ZNF875: variants seen among roughly 807,000 people sequenced by gnomAD.
The protein encoded by ZNF875 is HKR1, GLI-Kruppel zinc finger family member.
Under a neutral mutation model 11.2 loss-of-function variants are expected in ZNF875, and 14 were observed. That is an observed-to-expected ratio of 1.26 (90% CI 0.83 to 1.96). ZNF875 has a LOEUF of 1.96. ZNF875 is among the 30% of genes most tolerant of loss of function. ZNF875 has a pLI of 0.00. For synonymous variants in ZNF875, 301 were observed against 281.1 expected (o/e 1.07, Z -0.71); for missense variants, 752 against 760.4 (o/e 0.99, Z 0.13).
chr19:37,333,808 A>G (rs979410275), upstream of ZNF875, among the ~76,000 whole-genome samples: 3 of 152,162 alleles, frequency 2.0e-5, no homozygotes, highest in African/African-American at 7.2e-5. Context: ...TAATCAAGAT[A>G]AACAATATTT....
rs144551650 is a variant in ZNF875, at chr19:37,335,406, A to G, written c.33+149A>G. On this transcript the variant is annotated intron_variant, in intron 2 of 4. Transcript: ENST00000392153. Reference sequence around the variant, plus strand: ...CATAGAACAAGGAGGATTTTGATATAGTCTTGTAGAGCGTCCGATTCTGTC... The same window carrying G: ...CATAGAACAAGGAGGATTTTGATATGGTCTTGTAGAGCGTCCGATTCTGTC... 93 of 540,374 alleles carry G rather than the reference A, an allele frequency of 1.7e-4. 1 individual carries two copies. In the East Asian group the frequency reaches 2.6e-3, roughly 15 times the overall value. The allele number at this position is 540,374 out of a possible 1,614,324, so 33.5% of individuals were successfully genotyped here.
At chr19:37,333,412 G>T (rs1425770748), upstream of ZNF875, among the ~76,000 whole-genome samples, 1 of 152,140 alleles carries the variant, frequency 6.6e-6, no homozygotes, top group Non-Finnish European at 1.5e-5. Flanking sequence ...GCTGGAATAG[G>T]GCTCTCGGCT....
intron 4 of ZNF875, among the ~76,000 whole-genome samples, chr19:37,327,716 A>G (rs2032719616): frequency 6.7e-6 from 1 of 149,130 alleles, no homozygotes; most frequent in Non-Finnish European, 1.5e-5. Context: ...GTGAGCCGTG[A>G]TCTTGCCACT....
At chr19:37,331,634 A>C (rs559095798), upstream of ZNF875, among the ~76,000 whole-genome samples, 2 of 147,828 alleles carry the variant, frequency 1.4e-5, no homozygotes, top group East Asian at 2.1e-4. Context: ...CATGCTCCTT[A>C]AGAGTCATCA....
upstream of ZNF875, chr19:37,317,087 G>T (rs1368978106): frequency 6.6e-6 from 1 of 150,798 alleles, no homozygotes; most frequent in Non-Finnish European, 1.5e-5. Context: ...CGATTCTCCT[G>T]CATCAGCCTC....
At chr19:37,336,949 A>G (rs2034585344) in intron 2 of ZNF875, among the ~76,000 whole-genome samples, 1 of 152,124 alleles carries the variant, frequency 6.6e-6, no homozygotes, top group South Asian at 2.1e-4. Flanking sequence ...TAAGATACAG[A>G]CTATCTATTC....
chr19:37,344,174 CAA>C (rs994027963), intron 2 of ZNF875, among the ~76,000 whole-genome samples: 12 of 152,090 alleles, frequency 7.9e-5, no homozygotes, highest in African/African-American at 2.9e-4. Context: ...GATATCAACG[CAA>C]AGTCATAGGG....
At position 37,364,103 on chromosome 19, in the gene ZNF875, T is replaced by G. The variant is rs1290194013; in HGVS notation, c.*328T>G. Reference sequence around the variant, plus strand: ...GTGGGTACCTGGTGAAACCCAACCTTAAAGCTGAAGACAGTCCCGGCTAAA... The same window carrying G: ...GTGGGTACCTGGTGAAACCCAACCTGAAAGCTGAAGACAGTCCCGGCTAAA... On this transcript the variant is annotated 3_prime_UTR_variant, in exon 5 of 5. Transcript: ENST00000392153. 1.7e-5 allele frequency: 5 copies of G among 299,110 alleles called. No individual in the cohort carries two copies. Among genetic ancestry groups the G allele is most frequent in the Non-Finnish European group, 3.1e-5 (5 of 159,988 alleles). The allele number at this position is 299,110 out of a possible 1,614,324, so 18.5% of individuals were successfully genotyped here.
intron 2 of ZNF875, chr19:37,344,496 G>A (rs1600085069): frequency 7.1e-6 from 4 of 561,828 alleles, no homozygotes; most frequent in Non-Finnish European, 1.3e-5. Flanking sequence ...CAGGAAAAGT[G>A]CTTAATTCCT....
chr19:37,315,915 A>T (rs187316431), upstream of ZNF875, among the ~76,000 whole-genome samples: 205 of 152,286 alleles, frequency 1.3e-3, 1 homozygote, highest in Non-Finnish European at 2.5e-3. Context: ...GTGAATGTGT[A>T]AGAATGCTAT....
chr19:37,362,993 C>T lies in ZNF875; in HGVS notation c.1141C>T (p.Leu381=). The T allele has an allele frequency of 6.2e-7, 1 of 1,614,180 alleles. No individual in the cohort carries two copies. Among genetic ancestry groups the T allele is most frequent in the Admixed American group, 1.7e-5 (1 of 60,030 alleles). The change falls in exon 5 of 5, where the codon CTG becomes TTG. Residue 381 remains leucine (L), a synonymous_variant. Transcript: ENST00000392153. ...GCGTGGCTTTCGCCAGCATTCACAC[C>T]TGGTCAGACACAAGAGGACACATTC... is the stretch of plus-strand genomic sequence containing the variant. ...CGRGFRQHSH[L]VRHKRTHSGE...
At chr19:37,322,493 C>T (rs1337588196) in intron 2 of ZNF875, among the ~76,000 whole-genome samples, 1 of 152,152 alleles carries the variant, frequency 6.6e-6, no homozygotes, top group Non-Finnish European at 1.5e-5. Flanking sequence ...AGTTTCTTTG[C>T]GCTTATCCAG....
upstream of ZNF875, among the ~76,000 whole-genome samples, chr19:37,331,046 G>A (rs2033291258): frequency 1.3e-5 from 2 of 151,822 alleles, no homozygotes; most frequent in South Asian, 4.2e-4. Context: ...AATTAGCCAG[G>A]CGAGGTGGCA....
At chr19:37,317,321 G>C (rs757564725), upstream of ZNF875, among the ~76,000 whole-genome samples, 176 of 151,568 alleles carry the variant, frequency 1.2e-3, 1 homozygote, top group Non-Finnish European at 3.2e-4. Context: ...CGAGTAGCTG[G>C]GACTACAGGC....
chr19:37,344,657 A>G (rs760770927), intron 2 of ZNF875: 2 of 1,607,374 alleles, frequency 1.2e-6, no homozygotes, highest in Admixed American at 3.3e-5. Context: ...CTGTGTTTCT[A>G]CTCAGTGGGA....
chr19:37,333,908 C>T (rs1022040221), upstream of ZNF875, among the ~76,000 whole-genome samples: 14 of 152,028 alleles, frequency 9.2e-5, no homozygotes, highest in Non-Finnish European at 1.5e-4. Flanking sequence ...TTTCCAACAC[C>T]GCCCCACCTC....
rs767843367 is a variant in ZNF875 at position 37,334,653 on chromosome 19, C to T, written c.-186C>T. ...TGTAGCGTTGACGTCAGAAACACTT[C>T]CGGTCGGTGGCCCAGGCGCGTTAAG... On this transcript the variant is annotated 5_prime_UTR_variant, in exon 1 of 5. Transcript: ENST00000392153. The T allele has an allele frequency of 1.8e-4, 82 of 455,814 alleles. No homozygotes were observed. Among genetic ancestry groups the T allele is most frequent in the Non-Finnish European group, 4.0e-5 (9 of 226,742 alleles). 28.2% of individuals were successfully genotyped at this position (455,814 alleles called of 1,614,324 possible). A position where few individuals can be genotyped will look rare whatever the true frequency, so the allele number is the denominator to read the frequency against.
chr19:37,359,423 T>A (rs1219984882), intron 4 of ZNF875: 2 of 241,360 alleles, frequency 8.3e-6, no homozygotes, highest in Admixed American at 1.1e-4. Context: ...TTTTTTTTTT[T>A]AGATGGAGCC....
intron 2 of ZNF875, among the ~76,000 whole-genome samples, chr19:37,345,233 G>C (rs1010048946): frequency 3.3e-5 from 5 of 152,168 alleles, no homozygotes; most frequent in Non-Finnish European, 2.9e-5. Flanking sequence ...CTAAAATATA[G>C]CCAGAGAGAG....
Sources: gnomAD v4.1 joint callset for allele counts (sites outside exome capture counted in the v4.1 genomes callset) on GRCh38, gnomAD v4.1.1 for gene constraint, MANE v1.5 for transcripts, NCBI Gene and HGNC (gene_info 2026-07-23, HGNC 2026-07-21) for gene names.